The following PTPRO variants were observed in gnomAD, a reference collection of about 807,000 sequenced individuals.
PTPRO encodes the protein protein tyrosine phosphatase receptor type O, also known as receptor-type tyrosine-protein phosphatase O.
In PTPRO, 62 loss-of-function variants were observed where a neutral mutation model predicts 145.2. The observed-to-expected ratio is 0.43, with a 90% confidence interval of 0.35 to 0.53. The LOEUF (loss-of-function observed/expected upper bound fraction) is 0.53, where lower values mean the gene tolerates loss of function less well. PTPRO is among the 20% of genes least tolerant of loss of function. The pLI is 0.01. For synonymous variants in PTPRO, 565 were observed against 514.7 expected, an observed-to-expected ratio of 1.10 and a Z score of -1.32; for missense variants, 1,345 against 1,482.7, an observed-to-expected ratio of 0.91 and a Z score of 1.53.
intron 2 of PTPRO, among the ~76,000 whole-genome samples, chr12:15,491,225 C>G (rs1373838255): frequency 1.3e-5 from 2 of 152,190 alleles, no homozygotes; most frequent in Non-Finnish European, 2.9e-5. Context: ...CTCAAGAGAA[C>G]TGTGCCAGAA....
At chr12:15,442,958 G>T (rs1286617327) in intron 1 of PTPRO, among the ~76,000 whole-genome samples, 1 of 151,790 alleles carries the variant, frequency 6.6e-6, no homozygotes, top group African/African-American at 2.4e-5. Context: ...TTTTCACAGA[G>T]CTAGAAAAAA....
intron 1 of PTPRO, among the ~76,000 whole-genome samples, chr12:15,349,958 A>G (rs1463533450): frequency 6.6e-6 from 1 of 152,210 alleles, no homozygotes; most frequent in Non-Finnish European, 1.5e-5. Flanking sequence ...TGAGTCAGGA[A>G]TAAAAGTTAA....
At chr12:15,548,942 T>C in intron 13 of PTPRO, 152 bp from the exon 14 acceptor site, 1 of 833,566 alleles carries the variant, frequency 1.2e-6, no homozygotes, top group African/African-American at 1.7e-5. Flanking sequence ...AGATGGGGAA[T>C]GGGGAAAAAA....
intron 1 of PTPRO, among the ~76,000 whole-genome samples, chr12:15,469,490 C>T (rs1229508016): frequency 6.6e-6 from 1 of 152,106 alleles, no homozygotes; most frequent in African/African-American, 2.4e-5. Context: ...TGGGCCGACC[C>T]CCTACCCAGT....
At chr12:15,548,412 G>A (rs962804744) in intron 13 of PTPRO, among the ~76,000 whole-genome samples, 1 of 151,964 alleles carries the variant, frequency 6.6e-6, no homozygotes, top group Non-Finnish European at 1.5e-5. Context: ...TTTTGACTCA[G>A]CAGTTCAAAG....
intron 22 of PTPRO, among the ~76,000 whole-genome samples, chr12:15,581,298 C>CT (rs147606138): frequency 0.63 from 77,504 of 122,822 alleles, 26,652 homozygotes; most frequent in South Asian, 0.79. Context: ...TGAGTGCTTT[C>CT]TTTTTTTTTT....
At chr12:15,478,838 A>AT (rs1195580383) in intron 1 of PTPRO, among the ~76,000 whole-genome samples, 1 of 151,614 alleles carries the variant, frequency 6.6e-6, no homozygotes, top group African/African-American at 2.4e-5. Flanking sequence ...CGCCCGGGTA[A>AT]TTTTTTGTAT....
chr12:15,452,150 G>A (rs1178865057), intron 1 of PTPRO, among the ~76,000 whole-genome samples: 1 of 151,968 alleles, frequency 6.6e-6, no homozygotes, highest in Non-Finnish European at 1.5e-5. Context: ...AATTAGAAAC[G>A]AAAAAGGAGA....
chr12:15,556,087 G>A (rs193252479), intron 15 of PTPRO, among the ~76,000 whole-genome samples: 25 of 152,280 alleles, frequency 1.6e-4, no homozygotes, highest in Non-Finnish European at 3.2e-4. Context: ...GTCACAGGTT[G>A]TGAAAATAAA....
intron 9 of PTPRO, among the ~76,000 whole-genome samples, chr12:15,518,273 C>T (rs1376161260): frequency 6.6e-6 from 1 of 152,198 alleles, no homozygotes; most frequent in African/African-American, 2.4e-5. Flanking sequence ...ACGTTGGCCC[C>T]TTTCACCCAC....
chr12:15,426,752 A>G (rs890224585), intron 1 of PTPRO, among the ~76,000 whole-genome samples: 1 of 152,044 alleles, frequency 6.6e-6, no homozygotes, highest in African/African-American at 2.4e-5. Flanking sequence ...CTAAATGTGT[A>G]TAGATTTGGA....
intron 17 of PTPRO, among the ~76,000 whole-genome samples, chr12:15,564,808 T>C (rs754911206): frequency 6.6e-5 from 10 of 152,246 alleles, no homozygotes; most frequent in Non-Finnish European, 1.5e-4. Flanking sequence ...ATCATGTTTC[T>C]GTATTTACTA....
At chr12:15,473,965 T>C (rs1179967950) in intron 1 of PTPRO, among the ~76,000 whole-genome samples, 1 of 152,098 alleles carries the variant, frequency 6.6e-6, no homozygotes, top group Non-Finnish European at 1.5e-5. Flanking sequence ...TAAGAGATGC[T>C]TGGACTTCCC....
intron 1 of PTPRO, among the ~76,000 whole-genome samples, chr12:15,411,651 C>T (rs1021299406): frequency 3.9e-5 from 6 of 152,204 alleles, no homozygotes; most frequent in Admixed American, 3.3e-4. Flanking sequence ...AGCTTCATCT[C>T]AGATCTTGCC....
In PTPRO at chr12:15,531,712, C is replaced by A. The variant is rs535726568; in HGVS notation, c.2164+5450C>A. 7.9e-5 allele frequency among the ~76,000 whole-genome samples: 12 copies of A among 152,166 alleles called. No individual in the cohort carries two copies. In the South Asian group the frequency reaches 2.5e-3, roughly 32 times the overall value. On this transcript the variant is annotated intron_variant, in intron 12 of 26. Transcript: ENST00000281171. ...ACAGTATGACCGAAAGAGTGGCAACCCAAAACTAAATGCATAATTTCAATA... is the reference window on the plus strand; with the variant it reads ...ACAGTATGACCGAAAGAGTGGCAACACAAAACTAAATGCATAATTTCAATA...
intron 1 of PTPRO, among the ~76,000 whole-genome samples, chr12:15,384,990 C>T (rs1384199586): frequency 6.6e-6 from 1 of 152,058 alleles, no homozygotes; most frequent in African/African-American, 2.4e-5. Context: ...CATTTGTGAA[C>T]CAGCAAATGT....
At chr12:15,343,460 G>A (rs184307584) in intron 1 of PTPRO, among the ~76,000 whole-genome samples, 28 of 152,192 alleles carry the variant, frequency 1.8e-4, no homozygotes, top group Admixed American at 5.2e-4. Context: ...GCCAAGGCGG[G>A]AGGATCACTT....
chr12:15,458,809 C>T (rs1251446463), intron 1 of PTPRO, among the ~76,000 whole-genome samples: 1 of 152,044 alleles, frequency 6.6e-6, no homozygotes, highest in African/African-American at 2.4e-5. Context: ...CCATCAGAGA[C>T]ATAATATATC....
rs1340666229 is a variant in PTPRO at position 15,551,681 on chromosome 12, G to A, written c.2558+10G>A. 4.3e-6 allele frequency: 7 copies of A among 1,611,942 alleles called. No homozygotes were observed. Among genetic ancestry groups the A allele is most frequent in the East Asian group, 4.5e-5 (2 of 44,804 alleles). ...ATCTGCAGATGGCTAGGTAAGTTAAGTTTTACTAATATTTTATCCGGAATC... is the reference window on the plus strand; with the variant it reads ...ATCTGCAGATGGCTAGGTAAGTTAAATTTTACTAATATTTTATCCGGAATC... On this transcript the variant is annotated intron_variant, in intron 15 of 26. Coordinates refer to ENST00000281171, the MANE Select transcript of PTPRO (RefSeq NM_030667.3).
Sources: gnomAD v4.1 joint callset for allele counts (sites outside exome capture counted in the v4.1 genomes callset) on GRCh38, gnomAD v4.1.1 for gene constraint, MANE v1.5 for transcripts, NCBI Gene and HGNC (gene_info 2026-07-23, HGNC 2026-07-21) for gene names.